The following BRF1 variants were observed in gnomAD, a reference collection of about 807,000 sequenced individuals.
BRF1 encodes the protein BRF1 general transcription factor IIIB subunit, also known as transcription factor IIIB 90 kDa subunit.
In BRF1, 59 loss-of-function variants were observed where a neutral mutation model predicts 81.7. The ratio of observed to expected loss-of-function variants is 0.72; its 90% confidence interval spans 0.59 to 0.90. BRF1 has a LOEUF of 0.90. Among genes scored for constraint, BRF1 ranks in the 40% least tolerant of loss-of-function variants. The pLI is 0.00. For missense variants in BRF1, 1,050 were observed against 936.3 expected (o/e 1.12, Z -1.58); for synonymous variants, 491 against 395.6 (o/e 1.24, Z -2.86).
Position 105,300,656 on chromosome 14 carries a change from G to A in BRF1, c.-27C>T. 7.4e-7 allele frequency: 1 copy of A among 1,344,194 alleles called. No homozygotes were observed. Among genetic ancestry groups the A allele is most frequent in the Non-Finnish European group, 9.4e-7 (1 of 1,058,542 alleles). The allele number at this position is 1,344,194 out of a possible 1,614,324, so 83.3% of individuals were successfully genotyped here. A position where few individuals can be genotyped will look rare whatever the true frequency, so the allele number is the denominator to read the frequency against. ...CCGGCGACCGCGCGGGCAGCGCCCG[G>A]AGCCTCCCAAGACTCTCAAGCCACC... On this transcript the variant is annotated 5_prime_UTR_variant, in exon 1 of 18. Transcript: ENST00000547530.
chr14:105,282,625 G>C (rs1413632969), intron 2 of BRF1, among the ~76,000 whole-genome samples: 1 of 152,160 alleles, frequency 6.6e-6, no homozygotes, highest in Non-Finnish European at 1.5e-5. Context: ...TCAAAATAAA[G>C]GGTTTTTTAA....
At position 105,249,061 on chromosome 14, in the gene BRF1, G is replaced by A. The variant is rs1007842315; in HGVS notation, c.544+3446C>T. 106 of 1,314,234 alleles carry A rather than the reference G, an allele frequency of 8.1e-5. 2 individuals are homozygous for A. Among genetic ancestry groups the A allele is most frequent in the Non-Finnish European group, 9.4e-5 (98 of 1,041,634 alleles). The allele number at this position is 1,314,234 out of a possible 1,614,324, so 81.4% of individuals were successfully genotyped here. A position where few individuals can be genotyped will look rare whatever the true frequency, so the allele number is the denominator to read the frequency against. On this transcript the variant is annotated intron_variant, in intron 5 of 17. Coordinates refer to ENST00000547530, the MANE Select transcript of BRF1 (RefSeq NM_001519.4). ...CACCAGGAGAGCCCCGGCTGGCGGT[G>A]CTGCCGCCCCACGCTGCGCGAGAGG...
At chr14:105,222,224 AAC>A (rs587605338) in intron 10 of BRF1, 74 of 302,560 alleles carry the variant, frequency 2.4e-4, no homozygotes, top group African/African-American at 1.4e-3. Flanking sequence ...GAATCCATAA[AAC>A]ACTGATAAAA....
chr14:105,246,536 C>G (rs1029901190), intron 5 of BRF1, among the ~76,000 whole-genome samples: 3 of 152,100 alleles, frequency 2.0e-5, no homozygotes, highest in Non-Finnish European at 4.4e-5. Context: ...GTAGCATGAT[C>G]TCAGCTCACT....
intron 1 of BRF1, among the ~76,000 whole-genome samples, chr14:105,313,422 T>G (rs1740300677): frequency 6.6e-6 from 1 of 152,236 alleles, no homozygotes; most frequent in African/African-American, 2.4e-5. Context: ...CAGACCCTCA[T>G]GGCTCTCAGT....
chr14:105,305,434 G>C (rs976940521), upstream of BRF1, among the ~76,000 whole-genome samples: 1 of 151,778 alleles, frequency 6.6e-6, no homozygotes, highest in Non-Finnish European at 1.5e-5. Flanking sequence ...AAGAAAAAAC[G>C]TGGCTGGAGG....
rs113096925 is a variant in BRF1 at position 105,257,190 on chromosome 14, C to T, written c.440-641G>A. Among the ~76,000 whole-genome samples, 34 of 152,278 alleles carry T rather than the reference C, an allele frequency of 2.2e-4. 1 individual carries two copies. Among genetic ancestry groups the T allele is most frequent in the African/African-American group, 7.9e-4 (33 of 41,552 alleles). ...AAGTGATTCAAAACTCACATGGATA[C>T]ATAAGTTATCAAACACAAGTCACTG... On this transcript the variant is annotated intron_variant, in intron 3 of 17. Coordinates refer to ENST00000547530, the MANE Select transcript of BRF1 (RefSeq NM_001519.4).
At chr14:105,216,422 C>T (rs935257560) in intron 15 of BRF1, among the ~76,000 whole-genome samples, 1 of 152,140 alleles carries the variant, frequency 6.6e-6, no homozygotes, top group African/African-American at 2.4e-5. Flanking sequence ...CACTGACCTC[C>T]TACGCATGCC....
chr14:105,273,888 G>A (rs1340149068), intron 2 of BRF1, among the ~76,000 whole-genome samples: 1 of 152,190 alleles, frequency 6.6e-6, no homozygotes, highest in African/African-American at 2.4e-5. Context: ...CCCCCAGCCC[G>A]ACACCCGTGA....
upstream of BRF1, among the ~76,000 whole-genome samples, chr14:105,304,993 C>T (rs944289126): frequency 1.3e-5 from 2 of 152,184 alleles, no homozygotes; most frequent in African/African-American, 4.8e-5. Flanking sequence ...TGTGTGTTCC[C>T]CCAAAGTCCA....
intron 1 of BRF1, among the ~76,000 whole-genome samples, chr14:105,294,298 C>T (rs948120729): frequency 6.6e-5 from 10 of 152,304 alleles, no homozygotes; most frequent in East Asian, 1.9e-4. Context: ...GGCTCAGAGG[C>T]GTCTTGGGGC....
chr14:105,248,446 C>G (rs1438734679), intron 5 of BRF1: 1 of 985,140 alleles, frequency 1.0e-6, no homozygotes, highest in Non-Finnish European at 1.2e-6. Flanking sequence ...GCGCCGGTTG[C>G]TGGGCAGAAG....
In BRF1 at chr14:105,221,076, G is replaced by A. The variant is rs78453771; in HGVS notation, c.1315+572C>T. On this transcript the variant is annotated intron_variant, in intron 11 of 17. Coordinates refer to ENST00000547530, the MANE Select transcript of BRF1 (RefSeq NM_001519.4). ...CAGAGGCCAGGCCCTGGTGCCCGAC[G>A]GGAGGCAGGGCTTGAGGGTGAAGCG... is the stretch of plus-strand genomic sequence containing the variant. Among the ~76,000 whole-genome samples the A allele has an allele frequency of 9.6e-3, 1,468 of 152,370 alleles. 50 individuals are homozygous for A. Among genetic ancestry groups the A allele is most frequent in the Admixed American group, 0.065 (991 of 15,302 alleles).
chr14:105,223,645 G>T (rs185616324), intron 10 of BRF1, among the ~76,000 whole-genome samples: 52 of 152,330 alleles, frequency 3.4e-4, no homozygotes, highest in East Asian at 3.3e-3. Flanking sequence ...GGGGCAGGAG[G>T]GGGGGTGGTG....
At chr14:105,213,248 G>A (rs918428768) in intron 15 of BRF1, 1 of 152,272 alleles carries the variant, frequency 6.6e-6, no homozygotes, top group Non-Finnish European at 1.5e-5. Flanking sequence ...GGTCTCTCCA[G>A]AAGTGGCTGG....
chr14:105,247,510 A>T, intron 5 of BRF1: 2 of 985,138 alleles, frequency 2.0e-6, no homozygotes, highest in Non-Finnish European at 2.4e-6. Flanking sequence ...CATCCTGGAG[A>T]GTCCTTTGTT....
chr14:105,224,073 C>T (rs1253728783), intron 10 of BRF1, among the ~76,000 whole-genome samples: 1 of 152,124 alleles, frequency 6.6e-6, no homozygotes, highest in Admixed American at 6.5e-5. Flanking sequence ...CCCTTTTTGC[C>T]TTTAAAAATC....
chr14:105,304,254 G>C (rs1411756245), upstream of BRF1, among the ~76,000 whole-genome samples: 1 of 152,198 alleles, frequency 6.6e-6, no homozygotes, highest in Non-Finnish European at 1.5e-5. Context: ...CACTTTGGGA[G>C]GCTGAGGAGG....
At chr14:105,296,542 G>A (rs911200097) in intron 1 of BRF1, among the ~76,000 whole-genome samples, 2 of 151,442 alleles carry the variant, frequency 1.3e-5, no homozygotes, top group Admixed American at 1.3e-4. Flanking sequence ...TTAGCTGGGT[G>A]CGGTGGCGGG....
Sources: gnomAD v4.1 joint callset for allele counts (sites outside exome capture counted in the v4.1 genomes callset) on GRCh38, gnomAD v4.1.1 for gene constraint, MANE v1.5 for transcripts, NCBI Gene and HGNC (gene_info 2026-07-23, HGNC 2026-07-21) for gene names.